Variants in CCSER1 observed in about 807,000 individuals in gnomAD.
CCSER1 encodes serine-rich coiled-coil domain-containing protein 1.
CCSER1 carries 41 observed loss-of-function variants against 82.0 expected under a neutral mutation model. The observed-to-expected ratio is 0.50, with a 90% CI of 0.39 to 0.65. CCSER1 has a LOEUF of 0.65. Among genes scored for constraint, CCSER1 ranks in the 30% least tolerant of loss-of-function variants. The pLI is 0.00. For missense variants in CCSER1, 1,119 were observed against 1,064.2 expected (o/e 1.05, Z -0.72); for synonymous variants, 414 against 383.9 (o/e 1.08, Z -0.92).
intron 5 of CCSER1, among the ~76,000 whole-genome samples, chr4:90,505,930 C>T (rs923450479): frequency 2.0e-5 from 3 of 152,084 alleles, no homozygotes; most frequent in Admixed American, 6.6e-5. Flanking sequence ...CTTATTTAAC[C>T]GTTTGGGTAA....
chr4:91,400,597 A>G (rs748503990), intron 10 of CCSER1, among the ~76,000 whole-genome samples: 5 of 150,278 alleles, frequency 3.3e-5, no homozygotes, highest in Non-Finnish European at 4.4e-5. Context: ...AATAGTTAAA[A>G]TATTTATAAT....
At chr4:90,805,090 T>A (rs1015989311) in intron 7 of CCSER1, among the ~76,000 whole-genome samples, 8 of 152,154 alleles carry the variant, frequency 5.3e-5, no homozygotes, top group Admixed American at 3.3e-4. Context: ...TATAATAGAG[T>A]TTGTCTCTAT....
intron 9 of CCSER1, among the ~76,000 whole-genome samples, chr4:91,015,654 G>T (rs562922943): frequency 8.5e-4 from 129 of 151,238 alleles, no homozygotes; most frequent in African/African-American, 2.8e-3. Flanking sequence ...TTATAAACAG[G>T]TACCTATTAT....
At chr4:91,047,933 T>C (rs1481953606) in intron 9 of CCSER1, among the ~76,000 whole-genome samples, 1 of 152,132 alleles carries the variant, frequency 6.6e-6, no homozygotes, top group Non-Finnish European at 1.5e-5. Context: ...TAAACATGTA[T>C]GTGTTAATTT....
chr4:91,308,353 C>T (rs1745220916), intron 10 of CCSER1, among the ~76,000 whole-genome samples: 1 of 151,880 alleles, frequency 6.6e-6, no homozygotes, highest in Non-Finnish European at 1.5e-5. Flanking sequence ...TGTTTAGGTA[C>T]CTGGATGTAC....
At chr4:90,317,050 A>T (rs1339720152) in intron 3 of CCSER1, among the ~76,000 whole-genome samples, 1 of 152,218 alleles carries the variant, frequency 6.6e-6, no homozygotes, top group Non-Finnish European at 1.5e-5. Flanking sequence ...TGTTCTAGAA[A>T]AAAGTTAAAG....
intron 7 of CCSER1, among the ~76,000 whole-genome samples, chr4:90,734,810 T>C (rs1010194715): frequency 6.6e-6 from 1 of 152,146 alleles, no homozygotes; most frequent in Non-Finnish European, 1.5e-5. Context: ...GGATGGCTTT[T>C]ATTTCTTTCC....
At chr4:90,516,405 G>A (rs532965888) in intron 5 of CCSER1, among the ~76,000 whole-genome samples, 7 of 152,088 alleles carry the variant, frequency 4.6e-5, no homozygotes, top group Admixed American at 6.6e-5. Flanking sequence ...TGGGGTGAGC[G>A]TTAGAAGAGC....
At chr4:91,390,810 G>A (rs114826787) in intron 10 of CCSER1, among the ~76,000 whole-genome samples, 4,776 of 151,802 alleles carry the variant, frequency 0.031, 236 homozygotes, top group African/African-American at 0.11. Context: ...GAGTTTTGGC[G>A]GATTATGTTC....
rs183020095 is a variant in CCSER1 at position 90,615,893 on chromosome 4, G to C, written c.1725-12132G>C. On this transcript the variant is annotated intron_variant, in intron 5 of 10. Transcript: ENST00000509176. ...GCTACAGAGAAATCTTTTGTGAAAGGGAGTGACTAGATGCAGCAAACTTCA... is the reference window on the plus strand; with the variant it reads ...GCTACAGAGAAATCTTTTGTGAAAGCGAGTGACTAGATGCAGCAAACTTCA... 9.2e-5 allele frequency among the ~76,000 whole-genome samples: 14 copies of C among 152,102 alleles called. No individual in the cohort carries two copies. In the East Asian group the frequency reaches 2.3e-3, roughly 25 times the overall value.
intron 1 of CCSER1, among the ~76,000 whole-genome samples, chr4:90,189,532 G>GTA (rs1228154754): frequency 4.0e-5 from 6 of 151,686 alleles, no homozygotes; most frequent in East Asian, 3.9e-4. Flanking sequence ...GTGTATGTAT[G>GTA]TATATATATA....
At chr4:90,805,725 TGAGAAA>T (rs1375253009) in intron 7 of CCSER1, among the ~76,000 whole-genome samples, 1 of 152,174 alleles carries the variant, frequency 6.6e-6, no homozygotes, top group Non-Finnish European at 1.5e-5. Flanking sequence ...TACACTTGAA[TGAGAAA>T]GAGAATGTCA....
At chr4:91,219,223 T>G (rs2149097065) in intron 10 of CCSER1, among the ~76,000 whole-genome samples, 1 of 152,116 alleles carries the variant, frequency 6.6e-6, no homozygotes, top group East Asian at 1.9e-4. Context: ...TAAAAGCCAG[T>G]ATGTGTCCAA....
At chr4:91,131,709 AAC>A (rs1728015324) in intron 10 of CCSER1, among the ~76,000 whole-genome samples, 1 of 152,120 alleles carries the variant, frequency 6.6e-6, no homozygotes, top group African/African-American at 2.4e-5. Context: ...GATGCAGAGA[AAC>A]AGATAAAGCA....
chr4:90,479,282 GTA>G (rs1432128691), intron 5 of CCSER1, among the ~76,000 whole-genome samples: 1 of 151,924 alleles, frequency 6.6e-6, no homozygotes, highest in African/African-American at 2.4e-5. Context: ...TCATTTATGT[GTA>G]TGTTTTTCTC....
chr4:90,693,279 C>T (rs1448797045), intron 6 of CCSER1: 3 of 151,818 alleles, frequency 2.0e-5, no homozygotes, highest in South Asian at 2.1e-4. Context: ...TTATTATTTC[C>T]ATTAACAGAT....
At chr4:90,227,576 G>T (rs1178107527) in intron 1 of CCSER1, among the ~76,000 whole-genome samples, 2 of 152,194 alleles carry the variant, frequency 1.3e-5, no homozygotes, top group African/African-American at 2.4e-5. Context: ...CGAGCAAGTA[G>T]CATTAACATT....
chr4:90,863,949 TTTTTA>T (rs57672590), intron 8 of CCSER1, among the ~76,000 whole-genome samples: 7,193 of 117,462 alleles, frequency 0.061, 371 homozygotes, highest in East Asian at 0.22. Context: ...ACCTATCACG[TTTTTA>T]TTTTATTTTA....
intron 10 of CCSER1, among the ~76,000 whole-genome samples, chr4:91,123,062 G>A (rs965895243): frequency 2.6e-5 from 4 of 151,578 alleles, no homozygotes; most frequent in African/African-American, 9.7e-5. Flanking sequence ...ATAGAGTTGG[G>A]CCTTTATTAT....
Sources: gnomAD v4.1 joint callset for allele counts (sites outside exome capture counted in the v4.1 genomes callset) on GRCh38, gnomAD v4.1.1 for gene constraint, MANE v1.5 for transcripts, NCBI Gene and HGNC (gene_info 2026-07-23, HGNC 2026-07-21) for gene names.